Variants in LPP observed in about 807,000 individuals in gnomAD.
The protein encoded by LPP is lipoma-preferred partner.
LPP carries 38 observed loss-of-function variants against 60.4 expected under a neutral mutation model. The observed-to-expected ratio is 0.63, with a 90% CI of 0.49 to 0.83. The LOEUF is 0.83. LPP is among the 40% of genes least tolerant of loss of function. LPP has a pLI of 0.00. For synonymous variants in LPP, 328 were observed against 290.8 expected (o/e 1.13, Z -1.30); for missense variants, 902 against 783.6 (o/e 1.15, Z -1.80).
At chr3:188,842,255 TTTG>T (rs1172988206) in intron 9 of LPP, among the ~76,000 whole-genome samples, 1 of 152,248 alleles carries the variant, frequency 6.6e-6, no homozygotes, top group Admixed American at 6.5e-5. Context: ...GTAGTTTTAA[TTTG>T]CATATCTCTG....
At chr3:188,428,993 T>C (rs953973021) in intron 4 of LPP, among the ~76,000 whole-genome samples, 1 of 152,136 alleles carries the variant, frequency 6.6e-6, no homozygotes, top group African/African-American at 2.4e-5. Context: ...TTTTGAGTTA[T>C]AAATCCTAGG....
At chr3:188,772,740 C>G (rs1736479913) in intron 9 of LPP, among the ~76,000 whole-genome samples, 1 of 151,850 alleles carries the variant, frequency 6.6e-6, no homozygotes, top group African/African-American at 2.4e-5. Flanking sequence ...GGGAGGTCAC[C>G]TTTAATTCGT....
chr3:188,202,121 C>G (rs1000699572), intron 1 of LPP, among the ~76,000 whole-genome samples: 2 of 151,780 alleles, frequency 1.3e-5, no homozygotes, highest in Non-Finnish European at 2.9e-5. Context: ...ATTGGGAAGC[C>G]ATTTCAGATA....
At chr3:188,563,366 C>T (rs1831198099) in intron 6 of LPP, among the ~76,000 whole-genome samples, 1 of 151,764 alleles carries the variant, frequency 6.6e-6, no homozygotes, top group African/African-American at 2.4e-5. Flanking sequence ...CCTGCCAACC[C>T]CAACTCTTTT....
At chr3:188,311,532 A>C (rs1027308254) in intron 2 of LPP, among the ~76,000 whole-genome samples, 5 of 143,606 alleles carry the variant, frequency 3.5e-5, no homozygotes, top group East Asian at 2.1e-4. Context: ...CTAAACTAAA[A>C]GTAAGATAAA....
chr3:188,753,039 A>G (rs1340132700), intron 8 of LPP, among the ~76,000 whole-genome samples: 2 of 152,302 alleles, frequency 1.3e-5, no homozygotes, highest in Non-Finnish European at 2.9e-5. Flanking sequence ...CAATACTGAT[A>G]TAGGTCAGAG....
chr3:188,336,906 A>C (rs1761807527), intron 2 of LPP, among the ~76,000 whole-genome samples: 1 of 152,282 alleles, frequency 6.6e-6, no homozygotes, highest in Admixed American at 6.5e-5. Flanking sequence ...ACTTCAGCTC[A>C]GGCCTGGGGG....
intron 8 of LPP, 122 bp downstream of exon 8, chr3:188,708,515 T>C: frequency 7.8e-7 from 1 of 1,283,262 alleles, no homozygotes; most frequent in Non-Finnish European, 1.1e-6. Context: ...TGAGAGTTGA[T>C]ATACATCCCC....
chr3:188,233,290 G>A (rs1328643754), intron 2 of LPP, among the ~76,000 whole-genome samples: 1 of 152,126 alleles, frequency 6.6e-6, no homozygotes, highest in Non-Finnish European at 1.5e-5. Context: ...CATCACTACT[G>A]GAAAGTAAGT....
chr3:188,174,716 CTT>C (rs1473058127), intron 1 of LPP, among the ~76,000 whole-genome samples: 1 of 152,172 alleles, frequency 6.6e-6, no homozygotes, highest in Non-Finnish European at 1.5e-5. Context: ...TGTTGCAGCA[CTT>C]TCTGCATTTG....
chr3:188,851,031 T>C (rs1762561040), intron 9 of LPP, among the ~76,000 whole-genome samples: 1 of 152,228 alleles, frequency 6.6e-6, no homozygotes, highest in East Asian at 1.9e-4. Context: ...GGGAAGAAGA[T>C]ATTTATGTCA....
At chr3:188,521,125 A>G (rs1246070998) in intron 5 of LPP, among the ~76,000 whole-genome samples, 1 of 152,202 alleles carries the variant, frequency 6.6e-6, no homozygotes, top group Non-Finnish European at 1.5e-5. Flanking sequence ...ATTCTAATTC[A>G]TAATGGAATT....
At chr3:188,299,875 G>C (rs748274340) in intron 2 of LPP, among the ~76,000 whole-genome samples, 4 of 152,192 alleles carry the variant, frequency 2.6e-5, no homozygotes, top group Admixed American at 6.5e-5. Context: ...CCGCTCTGCT[G>C]TCTGTCTCTG....
chr3:188,569,789 A>G (rs1346266934), intron 6 of LPP, among the ~76,000 whole-genome samples: 1 of 152,040 alleles, frequency 6.6e-6, no homozygotes, highest in Non-Finnish European at 1.5e-5. Context: ...GAAAATACTA[A>G]CAGTCCCTGT....
At chr3:188,634,190 C>T (rs1263350888) in intron 7 of LPP, among the ~76,000 whole-genome samples, 1 of 152,194 alleles carries the variant, frequency 6.6e-6, no homozygotes, top group East Asian at 1.9e-4. Flanking sequence ...CAAATGACCA[C>T]TCTGATATTT....
At chr3:188,786,671 T>A (rs1284554096) in intron 9 of LPP, among the ~76,000 whole-genome samples, 1 of 152,130 alleles carries the variant, frequency 6.6e-6, no homozygotes, top group Non-Finnish European at 1.5e-5. Flanking sequence ...ATTCCCAACC[T>A]GGAAAAAACC....
chr3:188,499,264 T>C (rs991162523), intron 5 of LPP, among the ~76,000 whole-genome samples: 6 of 152,226 alleles, frequency 3.9e-5, no homozygotes, highest in African/African-American at 1.4e-4. Flanking sequence ...ATTTTAGATG[T>C]TACCTTTAGG....
chr3:188,304,250 A>G (rs958955277), intron 2 of LPP, among the ~76,000 whole-genome samples: 3 of 152,164 alleles, frequency 2.0e-5, no homozygotes, highest in Admixed American at 1.3e-4. Context: ...TGTACCTCCA[A>G]TTCAGAGTGT....
intron 4 of LPP, among the ~76,000 whole-genome samples, chr3:188,461,549 C>G (rs767624320): frequency 1.3e-4 from 20 of 152,186 alleles, no homozygotes; most frequent in Non-Finnish European, 2.6e-4. Flanking sequence ...TAGAACCTCA[C>G]TAGTCACTCA....
Sources: allele counts gnomAD v4.1 joint callset (sites outside exome capture counted in the v4.1 genomes callset), GRCh38; gene constraint gnomAD v4.1.1; transcripts MANE v1.5; gene names NCBI Gene and HGNC (gene_info 2026-07-23, HGNC 2026-07-21).